Variants in KCNMB4 observed in about 807,000 individuals in gnomAD.
The protein encoded by KCNMB4 is potassium calcium-activated channel subfamily M regulatory beta subunit 4.
A neutral mutation model predicts 20.7 loss-of-function variants in KCNMB4; 3 were observed. The observed-to-expected ratio is 0.14, with a 90% confidence interval of 0.07 to 0.37. KCNMB4 has a LOEUF of 0.37. Among genes scored for constraint, KCNMB4 ranks in the 10% least tolerant of loss-of-function variants. KCNMB4 has a pLI of 1.00. For missense variants in KCNMB4, 168 were observed against 265.9 expected (o/e 0.63, Z 2.56); for synonymous variants, 110 against 113.4 (o/e 0.97, Z 0.19).
chr12:70,407,460 C>CTTTTTTTTTTTTTT (rs35371839), intron 2 of KCNMB4, among the ~76,000 whole-genome samples: 1 of 64,184 alleles, frequency 1.6e-5, no homozygotes, highest in Non-Finnish European at 2.7e-5. Flanking sequence ...GTGCTGAATT[C>CTTTTTTTTTTTTTT]TTTTTTTTTT....
intron 2 of KCNMB4, among the ~76,000 whole-genome samples, chr12:70,417,337 G>GAA (rs563606083): frequency 1.3e-3 from 191 of 152,286 alleles, no homozygotes; most frequent in African/African-American, 4.3e-3. Flanking sequence ...TGCTGGGTCT[G>GAA]AAATTGTGAC....
chr12:70,398,033 A>G (rs1012546399), intron 1 of KCNMB4, among the ~76,000 whole-genome samples: 23 of 152,330 alleles, frequency 1.5e-4, no homozygotes, highest in Admixed American at 4.6e-4. Context: ...CAAAATATCC[A>G]ACACCTTAGA....
At chr12:70,417,969 T>C (rs1222402241) in intron 2 of KCNMB4, among the ~76,000 whole-genome samples, 1 of 152,228 alleles carries the variant, frequency 6.6e-6, no homozygotes, top group Non-Finnish European at 1.5e-5. Flanking sequence ...CCCGTGTTGC[T>C]ATGCCCCACT....
intron 2 of KCNMB4, among the ~76,000 whole-genome samples, chr12:70,428,286 G>A (rs978430682): frequency 1.3e-5 from 2 of 152,152 alleles, no homozygotes; most frequent in Non-Finnish European, 2.9e-5. Flanking sequence ...GAGCCACTAC[G>A]CCCAGCCATC....
chr12:70,368,422 TA>T (rs1169338240), intron 1 of KCNMB4, among the ~76,000 whole-genome samples: 2 of 152,046 alleles, frequency 1.3e-5, no homozygotes, highest in African/African-American at 2.4e-5. Flanking sequence ...TGATTTACCT[TA>T]AAAAATATCA....
intron 1 of KCNMB4, among the ~76,000 whole-genome samples, chr12:70,397,045 T>A (rs370165487): frequency 7.2e-5 from 11 of 152,256 alleles, no homozygotes; most frequent in African/African-American, 2.6e-4. Context: ...TTTTTAAGAA[T>A]TTGATGTTTG....
At chr12:70,376,258 T>A (rs1883684996) in intron 1 of KCNMB4, among the ~76,000 whole-genome samples, 1 of 151,514 alleles carries the variant, frequency 6.6e-6, no homozygotes, top group Admixed American at 6.6e-5. Flanking sequence ...GATGAAACAT[T>A]GAAAGCTTTA....
chr12:70,377,248 G>T (rs1165064145), intron 1 of KCNMB4, among the ~76,000 whole-genome samples: 1 of 152,128 alleles, frequency 6.6e-6, no homozygotes, highest in Non-Finnish European at 1.5e-5. Flanking sequence ...AAAATGGAAA[G>T]ATTCACATTT....
chr12:70,421,823 C>T (rs981744735), intron 2 of KCNMB4, among the ~76,000 whole-genome samples: 2 of 151,556 alleles, frequency 1.3e-5, no homozygotes, highest in African/African-American at 2.4e-5. Context: ...CCTCTTGATC[C>T]GCCCGCCTTG....
chr12:70,405,881 A>G (rs1421902536), intron 2 of KCNMB4, among the ~76,000 whole-genome samples: 1 of 152,138 alleles, frequency 6.6e-6, no homozygotes, highest in Non-Finnish European at 1.5e-5. Context: ...ACATAGCGAG[A>G]TCCGATCTCG....
intron 1 of KCNMB4, among the ~76,000 whole-genome samples, chr12:70,377,925 C>G (rs1883716010): frequency 1.3e-5 from 2 of 151,296 alleles, no homozygotes; most frequent in South Asian, 2.1e-4. Context: ...ACTTCTAATT[C>G]TAGTAGAATC....
intron 2 of KCNMB4, among the ~76,000 whole-genome samples, chr12:70,425,311 G>T (rs1325306602): frequency 6.6e-6 from 1 of 152,048 alleles, no homozygotes. Flanking sequence ...GGTGGTGGGC[G>T]CCTGTAGTCC....
chr12:70,429,137 TG>T, intron 2 of KCNMB4, among the ~76,000 whole-genome samples: 1 of 152,248 alleles, frequency 6.6e-6, no homozygotes, highest in Middle Eastern at 3.4e-3. Flanking sequence ...TCAGGGAAAA[TG>T]GGTTCTGAAT....
chr12:70,368,963 C>T (rs1041493981), intron 1 of KCNMB4, among the ~76,000 whole-genome samples: 4 of 152,078 alleles, frequency 2.6e-5, no homozygotes, highest in Non-Finnish European at 5.9e-5. Flanking sequence ...AAAATTTCTC[C>T]TCTCTCTTTT....
chr12:70,426,153 G>A lies in KCNMB4; in HGVS notation c.465-4332G>A, dbSNP rs191460427. Reference sequence around the variant, plus strand: ...TACTAAAAGTACAAAAATTAGTGGGGTGTGGTGGCAGGCGCCTGTAGTCCC... The same window carrying A: ...TACTAAAAGTACAAAAATTAGTGGGATGTGGTGGCAGGCGCCTGTAGTCCC... On this transcript the variant is annotated intron_variant, in intron 2 of 2. Transcript: ENST00000258111. Among the ~76,000 whole-genome samples the A allele has an allele frequency of 8.5e-5, 13 of 152,174 alleles. No homozygotes were observed. In the East Asian group the frequency reaches 2.5e-3, roughly 30 times the overall value.
chr12:70,374,399 T>C (rs954311878), intron 1 of KCNMB4, among the ~76,000 whole-genome samples: 1 of 152,218 alleles, frequency 6.6e-6, no homozygotes, highest in African/African-American at 2.4e-5. Flanking sequence ...AGTACATTTA[T>C]ATTACAATTA....
intron 2 of KCNMB4, among the ~76,000 whole-genome samples, chr12:70,407,197 C>G (rs1428281569): frequency 1.3e-5 from 2 of 152,158 alleles, no homozygotes; most frequent in Non-Finnish European, 2.9e-5. Context: ...CAGAACACTA[C>G]TTACTATTCC....
At chr12:70,398,125 C>G (rs1238409893) in intron 1 of KCNMB4, among the ~76,000 whole-genome samples, 1 of 152,050 alleles carries the variant, frequency 6.6e-6, no homozygotes, top group African/African-American at 2.4e-5. Flanking sequence ...AAGGACCTAC[C>G]ACACTCCTCC....
intron 1 of KCNMB4, among the ~76,000 whole-genome samples, chr12:70,378,231 C>T (rs996149878): frequency 6.6e-6 from 1 of 152,018 alleles, no homozygotes; most frequent in African/African-American, 2.4e-5. Flanking sequence ...GCTAAGATTA[C>T]AAGCATGAGC....
Sources: gnomAD v4.1 joint callset for allele counts (sites outside exome capture counted in the v4.1 genomes callset) on GRCh38, gnomAD v4.1.1 for gene constraint, MANE v1.5 for transcripts, NCBI Gene and HGNC (gene_info 2026-07-23, HGNC 2026-07-21) for gene names.